The following HSD17B12 variants were observed in gnomAD, a reference collection of about 807,000 sequenced individuals.
HSD17B12 encodes hydroxysteroid 17-beta dehydrogenase 12, also known as very-long-chain 3-oxoacyl-CoA reductase.
HSD17B12 carries 32 observed loss-of-function variants against 39.3 expected under a neutral mutation model. That is an observed-to-expected ratio of 0.81 (90% CI 0.61 to 1.09). The LOEUF is 1.09. HSD17B12 is among the 50% of genes least tolerant of loss of function. The probability of loss-of-function intolerance (pLI) is 0.00; values close to 1 mark genes in which losing one functional copy is unlikely to be tolerated. For missense variants in HSD17B12, 342 were observed against 382.9 expected (o/e 0.89, Z 0.89); for synonymous variants, 150 against 146.7 (o/e 1.02, Z -0.16).
At chr11:43,664,593 A>G in the HSD17B12 span, among the ~76,000 whole-genome samples, 2 of 152,176 alleles carry the variant, frequency 1.3e-5, no homozygotes, top group African/African-American at 4.8e-5. Flanking sequence ...TTCCATGGCT[A>G]TTGTTCTAGG....
At chr11:43,828,435 C>T (rs953242367) in intron 6 of HSD17B12, among the ~76,000 whole-genome samples, 1 of 152,056 alleles carries the variant, frequency 6.6e-6, no homozygotes, top group Non-Finnish European at 1.5e-5. Flanking sequence ...GCCACCGCGC[C>T]CGGCCACTTT....
chr11:43,705,983 T>C (rs1274985845), intron 1 of HSD17B12, among the ~76,000 whole-genome samples: 2 of 151,912 alleles, frequency 1.3e-5, no homozygotes, highest in Admixed American at 1.3e-4. Flanking sequence ...GGCTGGTAGA[T>C]TTCTTTATTT....
the HSD17B12 span, among the ~76,000 whole-genome samples, chr11:43,613,871 T>C: frequency 6.6e-6 from 1 of 152,156 alleles, no homozygotes; most frequent in Non-Finnish European, 1.5e-5. Context: ...TTCACCATGT[T>C]GGTCAGGCTG....
intron 3 of HSD17B12, among the ~76,000 whole-genome samples, chr11:43,785,305 T>C (rs1950805436): frequency 6.6e-6 from 1 of 152,194 alleles, no homozygotes; most frequent in South Asian, 2.1e-4. Context: ...AGCATATTCA[T>C]ATCTAGCAAG....
intron 1 of HSD17B12, among the ~76,000 whole-genome samples, chr11:43,705,122 C>G (rs1241409280): frequency 6.6e-6 from 1 of 152,120 alleles, no homozygotes; most frequent in African/African-American, 2.4e-5. Context: ...TATTGCTATT[C>G]ATTTGAATAC....
At chr11:43,659,542 C>CA in the HSD17B12 span, among the ~76,000 whole-genome samples, 2 of 152,080 alleles carry the variant, frequency 1.3e-5, no homozygotes, top group Non-Finnish European at 2.9e-5. Flanking sequence ...CTCCACCCCC[C>CA]AGTTGATGCA....
the HSD17B12 span, among the ~76,000 whole-genome samples, chr11:43,577,637 TC>T: frequency 6.6e-6 from 1 of 152,150 alleles, no homozygotes; most frequent in African/African-American, 2.4e-5. Context: ...ATTCTGTAAT[TC>T]CCGGGAGGTG....
At chr11:43,712,900 G>A (rs1397122646) in intron 1 of HSD17B12, among the ~76,000 whole-genome samples, 1 of 152,182 alleles carries the variant, frequency 6.6e-6, no homozygotes, top group African/African-American at 2.4e-5. Context: ...TTTACATGAT[G>A]TCAGCCTATG....
chr11:43,745,574 T>C (rs1360698139), intron 1 of HSD17B12, among the ~76,000 whole-genome samples: 1 of 152,240 alleles, frequency 6.6e-6, no homozygotes, highest in African/African-American at 2.4e-5. Flanking sequence ...TTTAACCTAC[T>C]GTTCATACCT....
chr11:43,777,009 C>T (rs1202957794), intron 3 of HSD17B12, among the ~76,000 whole-genome samples: 3 of 152,254 alleles, frequency 2.0e-5, no homozygotes, highest in Non-Finnish European at 2.9e-5. Flanking sequence ...ATTACTGTAG[C>T]GTTGTAGTAT....
At chr11:43,695,270 G>C (rs1285132582) in intron 1 of HSD17B12, among the ~76,000 whole-genome samples, 1 of 152,092 alleles carries the variant, frequency 6.6e-6, no homozygotes, top group African/African-American at 2.4e-5. Context: ...GTCCGGCCCA[G>C]ATGGGTTTTT....
At chr11:43,770,826 GCAAGC>G (rs1170735861) in intron 3 of HSD17B12, among the ~76,000 whole-genome samples, 4 of 152,166 alleles carry the variant, frequency 2.6e-5, no homozygotes, top group Non-Finnish European at 5.9e-5. Context: ...TATATTGTTT[GCAAGC>G]CATTTCAGAA....
the HSD17B12 span, chr11:43,579,533 C>A: frequency 6.6e-6 from 1 of 152,390 alleles, no homozygotes; most frequent in East Asian, 1.9e-4. Flanking sequence ...AGCAGGGAGT[C>A]GGCGCCCGGG....
chr11:43,661,039 T>C, the HSD17B12 span, among the ~76,000 whole-genome samples: 2 of 152,126 alleles, frequency 1.3e-5, no homozygotes, highest in Non-Finnish European at 2.9e-5. Flanking sequence ...GGAGGAGAAT[T>C]GCTTGAACCT....
the HSD17B12 span, among the ~76,000 whole-genome samples, chr11:43,639,258 C>T: frequency 1.4e-4 from 22 of 152,300 alleles, no homozygotes; most frequent in East Asian, 3.9e-4. Flanking sequence ...CCATATTGGA[C>T]GCTTCAACCT....
At chr11:43,662,058 G>T in the HSD17B12 span, among the ~76,000 whole-genome samples, 1 of 152,006 alleles carries the variant, frequency 6.6e-6, no homozygotes, top group African/African-American at 2.4e-5. Context: ...TTTTAGGCTC[G>T]GCATGGTGGT....
At chr11:43,665,490 G>T in the HSD17B12 span, among the ~76,000 whole-genome samples, 1 of 152,056 alleles carries the variant, frequency 6.6e-6, no homozygotes, top group African/African-American at 2.4e-5. Flanking sequence ...AAGTGATGGG[G>T]TTACAGGAGT....
chr11:43,798,374 A>T lies in HSD17B12; in HGVS notation c.338A>T (p.Asp113Val). 1 of 1,612,648 alleles carries T rather than the reference A, an allele frequency of 6.2e-7. No individual in the cohort carries two copies. The highest frequency in any genetic ancestry group is 8.5e-7 in the Non-Finnish European group (1 of 1,179,116). Residue 113 changes from aspartate (D) to valine (V), a missense_variant, in exon 4 of 11, where the codon GAT (aspartate) becomes GTT (valine). Transcript: ENST00000278353. ...RTIAVDFASE[D>V]IYDKIKTGLA... The stretch of plus-strand genomic sequence containing the variant: ...ATTGCTGTTGACTTTGCATCAGAAG[A>T]TATTTATGATAAAATTAAAACAGGC...
chr11:43,683,369 G>A (rs953082566), intron 1 of HSD17B12, among the ~76,000 whole-genome samples: 1 of 151,856 alleles, frequency 6.6e-6, no homozygotes, highest in Non-Finnish European at 1.5e-5. Context: ...ATGCTGACAG[G>A]TTCAATTTAC....
Sources: allele counts gnomAD v4.1 joint callset (sites outside exome capture counted in the v4.1 genomes callset), GRCh38; gene constraint gnomAD v4.1.1; transcripts MANE v1.5; gene names NCBI Gene and HGNC (gene_info 2026-07-23, HGNC 2026-07-21).